TEX14: variants seen among roughly 807,000 people sequenced by gnomAD.
The protein encoded by TEX14 is inactive serine/threonine-protein kinase TEX14.
Under a neutral mutation model 178.6 loss-of-function variants are expected in TEX14, and 168 were observed. The observed-to-expected ratio is 0.94, with a 90% CI of 0.83 to 1.07. The LOEUF is 1.07. Among genes scored for constraint, TEX14 ranks in the 50% least tolerant of loss-of-function variants. TEX14 has a pLI of 0.00. For synonymous variants in TEX14, 626 were observed against 634.1 expected, an observed-to-expected ratio of 0.99 and a Z score of 0.19; for missense variants, 1,730 against 1,753.6, an observed-to-expected ratio of 0.99 and a Z score of 0.24.
intron 6 of TEX14, among the ~76,000 whole-genome samples, chr17:58,616,607 T>A (rs1598389487): frequency 6.6e-6 from 1 of 152,104 alleles, no homozygotes; most frequent in Non-Finnish European, 1.5e-5. Flanking sequence ...ATTTTTTTTT[T>A]AAATAGAGAC....
rs186553644 is a variant in TEX14 at position 58,596,041 on chromosome 17, G to A, written c.2470-2380C>T. ...CTACTAAAAATACAAAAATTAGCCG[G>A]GCATGGTGGTGCGCACCTGTAGTCC... On this transcript the variant is annotated intron_variant, in intron 14 of 31. Coordinates refer to ENST00000349033, the MANE Select transcript of TEX14 (RefSeq NM_031272.5). 4.9e-3 allele frequency among the ~76,000 whole-genome samples: 745 copies of A among 152,092 alleles called. 7 individuals carry two copies. The highest frequency in any genetic ancestry group is 0.017 in the African/African-American group (715 of 41,494).
intron 13 of TEX14, 37 bp downstream of exon 13, chr17:58,601,766 TTTG>T (rs748959799): frequency 6.3e-7 from 1 of 1,587,908 alleles, no homozygotes; most frequent in African/African-American, 1.3e-5. Context: ...TCAGAACACA[TTTG>T]TGTCAAACTA....
chr17:58,571,262 G>T (rs547529167), intron 24 of TEX14, among the ~76,000 whole-genome samples: 31 of 147,550 alleles, frequency 2.1e-4, no homozygotes, highest in South Asian at 1.7e-3. Context: ...TGGAGACAGG[G>T]TCTCACTCTG....
chr17:58,577,293 C>T, intron 21 of TEX14, 82 bp downstream of exon 21: 1 of 555,610 alleles, frequency 1.8e-6, no homozygotes, highest in Admixed American at 3.6e-5. Flanking sequence ...TGAAGACAAG[C>T]AATATATAAA....
At chr17:58,605,236 G>C in intron 10 of TEX14, 107 bp from the exon 11 acceptor site, 1 of 1,355,364 alleles carries the variant, frequency 7.4e-7, no homozygotes, top group Non-Finnish European at 1.0e-6. Flanking sequence ...CTGTCACCCA[G>C]GCTGGAAAGC....
chr17:58,588,217 T>TG (rs2045029734), intron 15 of TEX14, among the ~76,000 whole-genome samples, 196 bp from the exon 16 acceptor site: 1 of 152,204 alleles, frequency 6.6e-6, no homozygotes, highest in African/African-American at 2.4e-5. Context: ...TCACAGGTGA[T>TG]GGTTCAGGTG....
chr17:58,561,675 T>C (rs1225216664), intron 28 of TEX14, 63 bp from the exon 29 acceptor site: 1 of 1,097,042 alleles, frequency 9.1e-7, no homozygotes, highest in Non-Finnish European at 1.4e-6. Context: ...TTGACAAAGA[T>C]GCATAACACT....
rs369687186 is a variant in TEX14 at position 58,656,826 on chromosome 17, G to A, written c.-1-4824C>T. Among the ~76,000 whole-genome samples the A allele has an allele frequency of 5.0e-4, 75 of 150,068 alleles. 1 individual carries two copies. The East Asian group carries it at 0.013, about 26-fold the overall frequency. ...TAGTCCCAGCTACTCAAGAGGCTGA[G>A]GCACAAGAATCACTTGAACCTGGGA... On this transcript the variant is annotated intron_variant, in intron 1 of 31. Coordinates refer to ENST00000349033, the MANE Select transcript of TEX14 (RefSeq NM_031272.5).
chr17:58,689,156 CTGATCTCG>C (rs2143616201), intron 1 of TEX14, among the ~76,000 whole-genome samples: 1 of 152,170 alleles, frequency 6.6e-6, no homozygotes, highest in African/African-American at 2.4e-5. Flanking sequence ...AGTCTATCTC[CTGATCTCG>C]TGATCCGCCC....
chr17:58,563,618 AATTTATATATATATATATAT>A (rs1319699437), intron 28 of TEX14, among the ~76,000 whole-genome samples: 18 of 53,430 alleles, frequency 3.4e-4, no homozygotes, highest in South Asian at 1.8e-3. Flanking sequence ...GCCCATCTCT[AATTTATATATATATATATAT>A]ATATATATAT....
chr17:58,622,056 A>G (rs2046010457), intron 4 of TEX14, among the ~76,000 whole-genome samples: 1 of 152,242 alleles, frequency 6.6e-6, no homozygotes, highest in African/African-American at 2.4e-5. Context: ...AACAGCTTTA[A>G]TAAGCAGGAG....
chr17:58,624,199 GC>G (rs2046077382), intron 3 of TEX14, among the ~76,000 whole-genome samples: 1 of 151,882 alleles, frequency 6.6e-6, no homozygotes. Flanking sequence ...GCTAAGAATG[GC>G]GTAATGGCAT....
At chr17:58,659,226 G>GCAGACACATCC in intron 1 of TEX14, 1 of 194,544 alleles carries the variant, frequency 5.1e-6, no homozygotes, top group South Asian at 2.2e-4. Context: ...AATCGCGGGA[G>GCAGACACATCC]CAAACACATA....
chr17:58,650,758 G>A (rs2046823576), intron 2 of TEX14, among the ~76,000 whole-genome samples: 1 of 152,064 alleles, frequency 6.6e-6, no homozygotes, highest in Admixed American at 6.6e-5. Context: ...CAGATAGGTG[G>A]GATCCACTGT....
intron 9 of TEX14, 34 bp downstream of exon 9, chr17:58,613,387 C>T (rs2045793008): frequency 6.2e-7 from 1 of 1,612,924 alleles, no homozygotes; most frequent in African/African-American, 1.3e-5. Context: ...ACTGGGAGGT[C>T]AGCAATGGAA....
At chr17:58,561,005 C>A (rs1199933702) in intron 29 of TEX14, among the ~76,000 whole-genome samples, 2 of 152,214 alleles carry the variant, frequency 1.3e-5, no homozygotes, top group Non-Finnish European at 2.9e-5. Context: ...AAAAATAAGA[C>A]ATACTTCTTG....
chr17:58,589,938 C>T (rs2045083407), intron 15 of TEX14, among the ~76,000 whole-genome samples: 1 of 152,012 alleles, frequency 6.6e-6, no homozygotes, highest in African/African-American at 2.4e-5. Flanking sequence ...TCCCAGACTT[C>T]AAGCGACCCT....
In TEX14 at chr17:58,571,779, A is replaced by G; in HGVS notation, c.3717+142T>C. ...TTAAGCCTCCCATAATATAGACTCA[A>G]GAGAGGAGTCCCAGGCAAGCCAGGA... On this transcript the variant is annotated intron_variant, in intron 24 of 31. Coordinates refer to ENST00000349033, the MANE Select transcript of TEX14 (RefSeq NM_031272.5). The G allele has an allele frequency of 1.5e-5, 10 of 673,144 alleles. 1 individual carries two copies. In the South Asian group the frequency reaches 1.8e-4, roughly 12 times the overall value. 41.7% of individuals were successfully genotyped at this position (673,144 alleles called of 1,614,324 possible). A position where few individuals can be genotyped will look rare whatever the true frequency, so the allele number is the denominator to read the frequency against.
chr17:58,631,370 G>A (rs760794400), intron 2 of TEX14, among the ~76,000 whole-genome samples: 8 of 152,022 alleles, frequency 5.3e-5, no homozygotes, highest in Non-Finnish European at 1.0e-4. Flanking sequence ...GAAGCATGAG[G>A]ACTGCTTAAG....
Sources: gnomAD v4.1 joint callset for allele counts (sites outside exome capture counted in the v4.1 genomes callset) on GRCh38, gnomAD v4.1.1 for gene constraint, MANE v1.5 for transcripts, NCBI Gene and HGNC (gene_info 2026-07-23, HGNC 2026-07-21) for gene names.